The following RCBTB2 variants were observed in gnomAD, a reference collection of about 807,000 sequenced individuals.
RCBTB2 encodes RCC1 and BTB domain-containing protein 2.
RCBTB2 carries 55 observed loss-of-function variants against 65.4 expected under a neutral mutation model. The ratio of observed to expected loss-of-function variants is 0.84; its 90% confidence interval spans 0.68 to 1.05. RCBTB2 has a LOEUF of 1.05. Ranked by LOEUF, RCBTB2 falls within the 50% of genes least tolerant of loss-of-function variation. The pLI, the probability that RCBTB2 is intolerant of heterozygous loss-of-function variation, is 0.00. For missense variants in RCBTB2, 599 were observed against 680.1 expected (o/e 0.88, Z 1.33); for synonymous variants, 220 against 255.2 (o/e 0.86, Z 1.31).
chr13:48,527,100 TCCC>T (rs927963062), intron 1 of RCBTB2, among the ~76,000 whole-genome samples: 1 of 151,114 alleles, frequency 6.6e-6, no homozygotes, highest in Non-Finnish European at 1.5e-5. Context: ...CTTACAAATG[TCCC>T]CCCTTTTCTG....
chr13:48,527,160 C>T (rs1951785912), intron 1 of RCBTB2, among the ~76,000 whole-genome samples: 3 of 151,162 alleles, frequency 2.0e-5, no homozygotes, highest in African/African-American at 7.3e-5. Flanking sequence ...AAGCTGGCAA[C>T]AGTATTGGGA....
intron 1 of RCBTB2, among the ~76,000 whole-genome samples, chr13:48,524,971 T>A (rs2138627699): frequency 6.6e-6 from 1 of 152,196 alleles, no homozygotes; most frequent in African/African-American, 2.4e-5. Flanking sequence ...TCATACTTTA[T>A]AAGCTTCAGG....
In RCBTB2 at chr13:48,521,873, T is replaced by C. The variant is rs754276039; in HGVS notation, c.42+25A>G. On this transcript the variant is annotated intron_variant, in intron 4 of 14. Coordinates refer to ENST00000344532, the MANE Select transcript of RCBTB2 (RefSeq NM_001268.4). The stretch of plus-strand genomic sequence containing the variant: ...GTTTCATGCAACAGAACACACATGC[T>C]CCAAGGGCATGATTTTTTTCTAACC... 3.7e-6 allele frequency: 6 copies of C among 1,609,680 alleles called. No homozygotes were observed. The East Asian group carries it at 1.3e-4, about 36-fold the overall frequency.
chr13:48,490,040 A>G lies in RCBTB2; in HGVS notation c.*71T>C. 2 of 1,496,844 alleles carry G rather than the reference A, an allele frequency of 1.3e-6. No homozygotes were observed. The highest frequency in any genetic ancestry group is 1.1e-5 in the South Asian group (1 of 88,174). The allele number at this position is 1,496,844 out of a possible 1,614,324, so 92.7% of individuals were successfully genotyped here. On this transcript the variant is annotated 3_prime_UTR_variant, in exon 15 of 15. Transcript: ENST00000344532. ...TAGCTCATCATACATACTATTAATT[A>G]AAGAGAAGTGATTCATCTCTGGCTT...
intron 4 of RCBTB2, among the ~76,000 whole-genome samples, chr13:48,516,892 T>C (rs1370353758): frequency 6.6e-6 from 1 of 152,234 alleles, no homozygotes; most frequent in Non-Finnish European, 1.5e-5. Flanking sequence ...AAACAGCCAA[T>C]ATGTCTATCA....
At chr13:48,527,369 GATATAT>G (rs71186310) in intron 1 of RCBTB2, among the ~76,000 whole-genome samples, 14 of 99,862 alleles carry the variant, frequency 1.4e-4, no homozygotes, top group East Asian at 1.2e-3. Flanking sequence ...ATTTATATAT[GATATAT>G]ATATATGATA....
chr13:48,494,341 C>T (rs1229236800), intron 14 of RCBTB2, among the ~76,000 whole-genome samples: 2 of 152,166 alleles, frequency 1.3e-5, no homozygotes, highest in Non-Finnish European at 2.9e-5. Flanking sequence ...TTGTATTTTA[C>T]ATTAAGTACA....
upstream of RCBTB2, among the ~76,000 whole-genome samples, chr13:48,535,317 G>A (rs7986868): frequency 0.039 from 5,887 of 149,060 alleles, 390 homozygotes; most frequent in African/African-American, 0.14. Flanking sequence ...GTGCAGTGGC[G>A]CAATCTCAGC....
intron 9 of RCBTB2, 138 bp downstream of exon 9, chr13:48,511,632 G>A (rs894128878): frequency 8.4e-6 from 6 of 711,664 alleles, no homozygotes; most frequent in Non-Finnish European, 1.4e-5. Context: ...AGGAAAAAGA[G>A]ACTTAACCTT....
At chr13:48,493,767 A>T (rs1479109554) in intron 14 of RCBTB2, among the ~76,000 whole-genome samples, 1 of 152,080 alleles carries the variant, frequency 6.6e-6, no homozygotes, top group Non-Finnish European at 1.5e-5. Context: ...TCCCTGTCTT[A>T]CTTCTTTCCA....
chr13:48,490,934 TA>T (rs1321352568), intron 14 of RCBTB2, among the ~76,000 whole-genome samples: 1 of 152,232 alleles, frequency 6.6e-6, no homozygotes, highest in African/African-American at 2.4e-5. Flanking sequence ...AATAATGCTG[TA>T]ATAATTCTCT....
intron 11 of RCBTB2, 46 bp from the exon 12 acceptor site, chr13:48,501,914 T>C (rs1482030771): frequency 2.5e-6 from 4 of 1,590,058 alleles, no homozygotes; most frequent in Admixed American, 3.4e-5. Flanking sequence ...ACAGACATAA[T>C]GAACACACAG....
chr13:48,533,810 C>CT (rs531633027), upstream of RCBTB2, among the ~76,000 whole-genome samples: 4 of 152,182 alleles, frequency 2.6e-5, no homozygotes, highest in Non-Finnish European at 5.9e-5. Context: ...TTAAATTGAC[C>CT]TGAGTGGGTT....
At chr13:48,526,410 C>A (rs916056109) in intron 1 of RCBTB2, among the ~76,000 whole-genome samples, 2 of 152,110 alleles carry the variant, frequency 1.3e-5, no homozygotes, top group African/African-American at 4.8e-5. Flanking sequence ...GTAGTACACG[C>A]CTGTAGTCCC....
At chr13:48,494,984 G>A (rs1345092990) in intron 14 of RCBTB2, among the ~76,000 whole-genome samples, 3 of 152,078 alleles carry the variant, frequency 2.0e-5, no homozygotes, top group Non-Finnish European at 4.4e-5. Flanking sequence ...TCTGGTTGAT[G>A]AGTCATTACC....
intron 1 of RCBTB2, among the ~76,000 whole-genome samples, chr13:48,528,672 T>C (rs1951940019): frequency 6.6e-6 from 1 of 152,156 alleles, no homozygotes; most frequent in Non-Finnish European, 1.5e-5. Context: ...CTTCAAGTTA[T>C]AAATAATATA....
intron 3 of RCBTB2, among the ~76,000 whole-genome samples, 169 bp from the exon 4 acceptor site, chr13:48,522,131 C>T (rs1951462364): frequency 6.6e-6 from 1 of 152,168 alleles, no homozygotes. Flanking sequence ...CTATAAAACT[C>T]CAAAAATGTT....
intron 1 of RCBTB2, among the ~76,000 whole-genome samples, chr13:48,525,341 C>T (rs534919986): frequency 4.0e-4 from 47 of 116,798 alleles, no homozygotes; most frequent in Non-Finnish European, 7.1e-4. Flanking sequence ...ATAAAACAAA[C>T]GACACAATTC....
Position 48,515,310 on chromosome 13 carries a change from C to T in RCBTB2, c.244G>A (p.Asp82Asn). The T allele has an allele frequency of 1.2e-6, 2 of 1,614,134 alleles. No homozygotes were observed. The highest frequency in any genetic ancestry group is 1.7e-6 in the Non-Finnish European group (2 of 1,179,994). ...CGAGGTTCAATGGTGCTCTGGACGT[C>T]ACCTAACCCCAAACAGCCACAGCAG... ...TNCCGCLGLG[D>N]VQSTIEPRRL... Residue 82 changes from aspartate (D) to asparagine (N), a missense_variant, in exon 6 of 15, where the codon GAC (aspartate) becomes AAC (asparagine). Physicochemically the swap from Asp to Asn is conservative, Grantham distance 23. Transcript: ENST00000344532.
Sources: gnomAD v4.1 joint callset for allele counts (sites outside exome capture counted in the v4.1 genomes callset) on GRCh38, gnomAD v4.1.1 for gene constraint, MANE v1.5 for transcripts, NCBI Gene and HGNC (gene_info 2026-07-23, HGNC 2026-07-21) for gene names.